Variants in SBF2 observed in about 807,000 individuals in gnomAD.
The protein encoded by SBF2 is SET binding factor 2, also known as myotubularin-related protein 13.
Under a neutral mutation model 225.2 loss-of-function variants are expected in SBF2, and 112 were observed. The ratio of observed to expected loss-of-function variants is 0.50; its 90% CI spans 0.43 to 0.58. The LOEUF (loss-of-function observed/expected upper bound fraction) is 0.58, where lower values mean the gene tolerates loss of function less well. SBF2 is among the 20% of genes least tolerant of loss of function. The probability of loss-of-function intolerance (pLI) is 0.00; values close to 1 mark genes in which losing one functional copy is unlikely to be tolerated. For synonymous variants in SBF2, 763 were observed against 773.3 expected, an observed-to-expected ratio of 0.99 and a Z score of 0.22; for missense variants, 1,996 against 2,206.2, an observed-to-expected ratio of 0.90 and a Z score of 1.91.
At chr11:10,197,668 C>A (rs1468451440) in intron 1 of SBF2, among the ~76,000 whole-genome samples, 2 of 152,176 alleles carry the variant, frequency 1.3e-5, no homozygotes, top group Non-Finnish European at 1.5e-5. Context: ...CCATAGCATG[C>A]AATGCTGTTT....
chr11:9,784,869 G>T (rs930213764), intron 37 of SBF2: 1 of 545,192 alleles, frequency 1.8e-6, no homozygotes, highest in Non-Finnish European at 3.3e-6. Flanking sequence ...TCCCTCAAAC[G>T]TTCTGGCAGA....
intron 2 of SBF2, among the ~76,000 whole-genome samples, chr11:10,123,146 C>T (rs1163428343): frequency 6.6e-6 from 1 of 152,114 alleles, no homozygotes; most frequent in Non-Finnish European, 1.5e-5. Context: ...CTGAAGGAAA[C>T]ATCAGGGTTA....
rs191667473 is a variant in SBF2, at chr11:10,006,156, C to A, written c.620-3467G>T. The stretch of plus-strand genomic sequence containing the variant: ...TTCTGAAATGGCCTTGTACACCCTC[C>A]GGACCGTCCACCTCGAGGCAAGTCA... On this transcript the variant is annotated intron_variant, in intron 6 of 39. Coordinates refer to ENST00000256190, the MANE Select transcript of SBF2 (RefSeq NM_030962.4). Among the ~76,000 whole-genome samples the A allele has an allele frequency of 1.1e-4, 17 of 152,306 alleles. No homozygotes were observed. In the East Asian group the frequency reaches 3.3e-3, roughly 29 times the overall value.
chr11:9,900,551 A>G (rs1861642390), intron 16 of SBF2, among the ~76,000 whole-genome samples: 1 of 152,200 alleles, frequency 6.6e-6, no homozygotes, highest in African/African-American at 2.4e-5. Context: ...AGCAGGGGCC[A>G]CGTGCGTCAG....
intron 22 of SBF2, among the ~76,000 whole-genome samples, chr11:9,847,997 T>A (rs1212929610): frequency 6.6e-6 from 1 of 151,960 alleles, no homozygotes; most frequent in African/African-American, 2.4e-5. Flanking sequence ...GAATCTGGAT[T>A]TGCAGAAGGG....
intron 19 of SBF2, 70 bp downstream of exon 19, chr11:9,856,388 T>C: frequency 1.3e-6 from 2 of 1,589,818 alleles, no homozygotes; most frequent in Non-Finnish European, 1.7e-6. Flanking sequence ...AAATGTTTAA[T>C]ATTATCTGTC....
chr11:10,150,311 T>C (rs535789771), intron 2 of SBF2, among the ~76,000 whole-genome samples: 24 of 152,194 alleles, frequency 1.6e-4, no homozygotes, highest in Non-Finnish European at 2.8e-4. Flanking sequence ...GTTGTCATTC[T>C]TTTAAAGATA....
chr11:9,938,986 A>G (rs1022654151), intron 16 of SBF2, among the ~76,000 whole-genome samples: 1 of 152,216 alleles, frequency 6.6e-6, no homozygotes, highest in African/African-American at 2.4e-5. Context: ...CAAAATGTCA[A>G]GAAAAAGTTA....
chr11:9,989,297 G>A (rs1469638255), intron 13 of SBF2, among the ~76,000 whole-genome samples, 200 bp downstream of exon 13: 1 of 152,116 alleles, frequency 6.6e-6, no homozygotes, highest in Non-Finnish European at 1.5e-5. Context: ...TTGGGGTGAA[G>A]AGTGGGAGGG....
At chr11:9,957,168 T>C (rs1220659702) in intron 16 of SBF2, 2 of 152,210 alleles carry the variant, frequency 1.3e-5, no homozygotes, top group African/African-American at 4.8e-5. Flanking sequence ...GTATATGTCT[T>C]TTAAACCAAA....
intron 27 of SBF2, among the ~76,000 whole-genome samples, chr11:9,830,680 C>T (rs1335334375): frequency 1.4e-5 from 2 of 146,106 alleles, no homozygotes; most frequent in South Asian, 2.1e-4. Context: ...GCGGAGGTTG[C>T]AGTGAGCCAA....
chr11:9,910,130 T>G (rs1483029451), intron 16 of SBF2, among the ~76,000 whole-genome samples: 1 of 152,206 alleles, frequency 6.6e-6, no homozygotes, highest in African/African-American at 2.4e-5. Context: ...GACTAATAAA[T>G]TCAACTATAG....
chr11:9,854,391 T>G (rs1857169045), intron 19 of SBF2, among the ~76,000 whole-genome samples: 1 of 152,186 alleles, frequency 6.6e-6, no homozygotes, highest in Non-Finnish European at 1.5e-5. Flanking sequence ...TATTCAGCTC[T>G]TACTGTTCAA....
chr11:10,189,580 A>G (rs12288200), intron 2 of SBF2, among the ~76,000 whole-genome samples: 14,475 of 151,398 alleles, frequency 0.096, 941 homozygotes, highest in East Asian at 0.29. Context: ...CTCAATCTAC[A>G]TTTACAGAAG....
intron 2 of SBF2, among the ~76,000 whole-genome samples, chr11:10,179,602 A>C (rs1956647324): frequency 6.6e-6 from 1 of 152,138 alleles, no homozygotes; most frequent in African/African-American, 2.4e-5. Context: ...GATCTGTCCA[A>C]TGCTGAAAGT....
chr11:10,150,874 G>A (rs1955144595), intron 2 of SBF2, among the ~76,000 whole-genome samples: 1 of 152,066 alleles, frequency 6.6e-6, no homozygotes, highest in African/African-American at 2.4e-5. Context: ...AATGAAATGG[G>A]AGGATAAATC....
Position 9,977,690 on chromosome 11 carries a change from G to T in SBF2, c.1396-9145C>A, listed in dbSNP as rs191892272. ...TTTTACAATAATCTTTGTTACCAATGCTTACACTGTTTGTCTCTAGTGGGT... is the reference window on the plus strand; with the variant it reads ...TTTTACAATAATCTTTGTTACCAATTCTTACACTGTTTGTCTCTAGTGGGT... On this transcript the variant is annotated intron_variant, in intron 13 of 39. Transcript: ENST00000256190. Among the ~76,000 whole-genome samples the T allele has an allele frequency of 7.0e-4, 106 of 152,234 alleles. 2 individuals carry two copies. Among genetic ancestry groups the T allele is most frequent in the African/African-American group, 2.5e-3 (103 of 41,538 alleles).
intron 1 of SBF2, among the ~76,000 whole-genome samples, chr11:10,249,856 T>C (rs1305836289): frequency 1.4e-5 from 2 of 144,598 alleles, no homozygotes; most frequent in South Asian, 2.3e-4. Context: ...GGGGAGTCCA[T>C]AGCATTGGAA....
chr11:9,829,928 G>A (rs1471672282), intron 27 of SBF2, among the ~76,000 whole-genome samples: 1 of 152,240 alleles, frequency 6.6e-6, no homozygotes, highest in Non-Finnish European at 1.5e-5. Flanking sequence ...TGACATCCCA[G>A]AATGGGTAGA....
Sources: gnomAD v4.1 joint callset for allele counts (sites outside exome capture counted in the v4.1 genomes callset) on GRCh38, gnomAD v4.1.1 for gene constraint, MANE v1.5 for transcripts, NCBI Gene and HGNC (gene_info 2026-07-23, HGNC 2026-07-21) for gene names.